The following SLC25A13 variants were observed in gnomAD, a reference collection of about 807,000 sequenced individuals.
SLC25A13 encodes the protein electrogenic aspartate/glutamate antiporter SLC25A13, mitochondrial.
A neutral mutation model predicts 85.5 loss-of-function variants in SLC25A13; 70 were observed. The observed-to-expected ratio is 0.82, with a 90% CI of 0.68 to 1.00. The LOEUF (loss-of-function observed/expected upper bound fraction) is 1.00, where lower values mean the gene tolerates loss of function less well. Among genes scored for constraint, SLC25A13 ranks in the 50% least tolerant of loss-of-function variants. SLC25A13 has a pLI of 0.00. For missense variants in SLC25A13, 765 were observed against 819.8 expected (o/e 0.93, Z 0.82); for synonymous variants, 259 against 288.7 (o/e 0.90, Z 1.04).
intron 3 of SLC25A13, among the ~76,000 whole-genome samples, chr7:96,245,800 A>G (rs1797168092): frequency 6.6e-6 from 1 of 152,240 alleles, no homozygotes; most frequent in African/African-American, 2.4e-5. Flanking sequence ...AAGAAAGACC[A>G]TTGAGGAAAA....
intron 11 of SLC25A13, among the ~76,000 whole-genome samples, chr7:96,177,590 T>C (rs867964415): frequency 6.6e-6 from 1 of 152,336 alleles, no homozygotes; most frequent in South Asian, 2.1e-4. Context: ...ATAATCATGA[T>C]GCCATTTTCA....
chr7:96,163,480 G>A (rs1584395430), intron 13 of SLC25A13, among the ~76,000 whole-genome samples: 1 of 152,118 alleles, frequency 6.6e-6, no homozygotes, highest in African/African-American at 2.4e-5. Context: ...GCTGAGCCCC[G>A]TCAATCCATA....
rs948449155 is a variant in SLC25A13 at position 96,262,665 on chromosome 7, C to G, written c.212+14531G>C. Among the ~76,000 whole-genome samples the G allele has an allele frequency of 2.0e-5, 3 of 152,140 alleles. No individual in the cohort carries two copies. The South Asian group carries it at 6.2e-4, about 32-fold the overall frequency. On this transcript the variant is annotated intron_variant, in intron 3 of 17. Coordinates refer to ENST00000265631, the MANE Select transcript of SLC25A13 (RefSeq NM_014251.3). ...ATGACTAGTCTCAAGGGCAAAGAAT[C>G]TTGCAAAGGCCATCAGAACTTCTAA...
chr7:96,144,935 T>G (rs1792717997), intron 14 of SLC25A13, among the ~76,000 whole-genome samples: 1 of 152,336 alleles, frequency 6.6e-6, no homozygotes, highest in African/African-American at 2.4e-5. Flanking sequence ...GAAAGACTCC[T>G]GGCATCTTGT....
chr7:96,171,008 C>T (rs1422673339), intron 12 of SLC25A13, among the ~76,000 whole-genome samples: 1 of 152,140 alleles, frequency 6.6e-6, no homozygotes, highest in Non-Finnish European at 1.5e-5. Flanking sequence ...ATAAAAACAG[C>T]AGGTGTAATA....
At chr7:96,137,286 T>C (rs1313715236) in intron 14 of SLC25A13, among the ~76,000 whole-genome samples, 2 of 152,214 alleles carry the variant, frequency 1.3e-5, no homozygotes, top group Non-Finnish European at 2.9e-5. Context: ...GAAGACTTGA[T>C]ATCAGTGAAC....
At chr7:96,254,776 T>TG (rs897927028) in intron 3 of SLC25A13, among the ~76,000 whole-genome samples, 2 of 152,118 alleles carry the variant, frequency 1.3e-5, no homozygotes, top group African/African-American at 2.4e-5. Context: ...TACTTATATT[T>TG]GGGGAAAAAA....
At chr7:96,284,191 AT>A (rs938213091) in intron 2 of SLC25A13, among the ~76,000 whole-genome samples, 28 of 152,166 alleles carry the variant, frequency 1.8e-4, no homozygotes, top group African/African-American at 6.7e-4. Flanking sequence ...AGAAAACAGT[AT>A]TTTTTTCTCC....
At chr7:96,169,960 G>A (rs1458665232) in intron 13 of SLC25A13, 85 bp downstream of exon 13, 1 of 1,345,302 alleles carries the variant, frequency 7.4e-7, no homozygotes, top group Non-Finnish European at 1.1e-6. Context: ...TTAAACAGAA[G>A]CCTTAGTCCA....
rs373153995 is a variant in SLC25A13 at position 96,120,462 on chromosome 7, C to T, written c.*729G>A. On this transcript the variant is annotated 3_prime_UTR_variant, in exon 18 of 18. Transcript: ENST00000265631. ...AAATAGGCAGTAATCAGTACATGTA[C>T]ATCATATGAGCAGTTTTTCAAAATT... is the stretch of plus-strand genomic sequence containing the variant. The T allele has an allele frequency of 7.5e-5, 34 of 454,410 alleles. No homozygotes were observed. Among genetic ancestry groups the T allele is most frequent in the African/African-American group, 4.0e-4 (20 of 50,096 alleles). 28.1% of individuals were successfully genotyped at this position (454,410 alleles called of 1,614,324 possible).
intron 4 of SLC25A13, among the ~76,000 whole-genome samples, chr7:96,209,351 CAT>C (rs1360778235): frequency 8.6e-6 from 1 of 116,176 alleles, no homozygotes; most frequent in Non-Finnish European, 1.8e-5. Flanking sequence ...CAGGAAAACA[CAT>C]ACACACACAC....
intron 1 of SLC25A13, among the ~76,000 whole-genome samples, chr7:96,300,129 T>C (rs1383564621): frequency 6.6e-6 from 1 of 152,168 alleles, no homozygotes; most frequent in Non-Finnish European, 1.5e-5. Context: ...GACATGATCT[T>C]ACAGGAATGG....
chr7:96,179,031 G>T (rs1000185081), intron 11 of SLC25A13, among the ~76,000 whole-genome samples: 7 of 152,208 alleles, frequency 4.6e-5, no homozygotes, highest in African/African-American at 1.7e-4. Context: ...TTCAAGCACT[G>T]TCTGTTATCT....
At chr7:96,221,493 G>A (rs1354608686) in intron 4 of SLC25A13, among the ~76,000 whole-genome samples, 1 of 152,058 alleles carries the variant, frequency 6.6e-6, no homozygotes, top group Non-Finnish European at 1.5e-5. Context: ...CCCAAGTAAC[G>A]TTTCTTCTGA....
chr7:96,214,754 A>G (rs980959502), intron 4 of SLC25A13, among the ~76,000 whole-genome samples: 1 of 152,034 alleles, frequency 6.6e-6, no homozygotes, highest in Non-Finnish European at 1.5e-5. Context: ...AATTAATTTT[A>G]AAAAAACTCA....
At chr7:96,311,548 G>A (rs1420184481) in intron 1 of SLC25A13, among the ~76,000 whole-genome samples, 1 of 152,132 alleles carries the variant, frequency 6.6e-6, no homozygotes, top group Non-Finnish European at 1.5e-5. Context: ...AAAGGGGGCA[G>A]GAAAACCTAT....
chr7:96,180,174 G>GTT (rs201415731), intron 11 of SLC25A13, among the ~76,000 whole-genome samples: 4 of 147,920 alleles, frequency 2.7e-5, no homozygotes, highest in African/African-American at 9.9e-5. Context: ...AAAAAATGTG[G>GTT]TTTTTTTTTT....
Position 96,155,858 on chromosome 7 carries a change from C to T in SLC25A13, c.1312-9162G>A, listed in dbSNP as rs138689180. On this transcript the variant is annotated intron_variant, in intron 13 of 17. Coordinates refer to ENST00000265631, the MANE Select transcript of SLC25A13 (RefSeq NM_014251.3). ...ATGCTGACACAAGCTATATTATTCC[C>T]ATCTTTCTAGAGATGAGATGGAGGC... Among the ~76,000 whole-genome samples the T allele has an allele frequency of 4.9e-3, 749 of 152,224 alleles. 3 individuals are homozygous for T. The highest frequency in any genetic ancestry group is 8.5e-3 in the Non-Finnish European group (577 of 68,020).
chr7:96,282,236 G>A (rs1798712131), intron 2 of SLC25A13, among the ~76,000 whole-genome samples: 1 of 152,144 alleles, frequency 6.6e-6, no homozygotes, highest in Admixed American at 6.5e-5. Context: ...GAAGATGACA[G>A]CAAAGGAAAC....
Sources: allele counts gnomAD v4.1 joint callset (sites outside exome capture counted in the v4.1 genomes callset), GRCh38; gene constraint gnomAD v4.1.1; transcripts MANE v1.5; gene names NCBI Gene and HGNC (gene_info 2026-07-23, HGNC 2026-07-21).